Variants in SYNDIG1 observed in about 807,000 individuals in gnomAD.
The protein encoded by SYNDIG1 is synapse differentiation-inducing gene protein 1.
SYNDIG1 carries 9 observed loss-of-function variants against 19.4 expected under a neutral mutation model. The ratio of observed to expected loss-of-function variants is 0.46; its 90% confidence interval spans 0.28 to 0.81. The LOEUF is 0.81. Among genes scored for constraint, SYNDIG1 ranks in the 30% least tolerant of loss-of-function variants. SYNDIG1 has a pLI of 0.12. For missense variants in SYNDIG1, 311 were observed against 343.3 expected, an observed-to-expected ratio of 0.91 and a Z score of 0.74; for synonymous variants, 141 against 145.9, an observed-to-expected ratio of 0.97 and a Z score of 0.24.
intron 1 of SYNDIG1, among the ~76,000 whole-genome samples, chr20:24,482,296 C>T (rs889574482): frequency 6.6e-6 from 1 of 152,140 alleles, no homozygotes; most frequent in Non-Finnish European, 1.5e-5. Context: ...CTCTGTCTCC[C>T]CTGACCTTGT....
chr20:24,557,636 G>A (rs888379157), intron 2 of SYNDIG1, among the ~76,000 whole-genome samples: 10 of 152,170 alleles, frequency 6.6e-5, no homozygotes, highest in African/African-American at 2.2e-4. Context: ...CGTGAACCTC[G>A]AATGCTGCTG....
At chr20:24,599,399 G>T (rs973566105) in intron 3 of SYNDIG1, among the ~76,000 whole-genome samples, 1 of 152,142 alleles carries the variant, frequency 6.6e-6, no homozygotes, top group African/African-American at 2.4e-5. Context: ...ATGCAAACTA[G>T]TACAACCATT....
chr20:24,649,311 T>C (rs1276582931), intron 3 of SYNDIG1, among the ~76,000 whole-genome samples: 1 of 152,208 alleles, frequency 6.6e-6, no homozygotes, highest in African/African-American at 2.4e-5. Flanking sequence ...TTTTCTTTGG[T>C]GGTTCCATTG....
chr20:24,644,297 T>G (rs1350398811), intron 3 of SYNDIG1, among the ~76,000 whole-genome samples: 1 of 152,252 alleles, frequency 6.6e-6, no homozygotes, highest in African/African-American at 2.4e-5. Context: ...TAAAACATTA[T>G]GTTCACTGTG....
At chr20:24,642,566 A>G (rs1322522559) in intron 3 of SYNDIG1, among the ~76,000 whole-genome samples, 1 of 152,152 alleles carries the variant, frequency 6.6e-6, no homozygotes, top group African/African-American at 2.4e-5. Flanking sequence ...TGGTTCATCC[A>G]TTTATTTATG....
At chr20:24,600,659 T>A (rs58257276) in intron 3 of SYNDIG1, among the ~76,000 whole-genome samples, 1,762 of 147,938 alleles carry the variant, frequency 0.012, 38 homozygotes, top group African/African-American at 0.042. Flanking sequence ...TAGACCAGAG[T>A]GCAATGGTGC....
intron 3 of SYNDIG1, among the ~76,000 whole-genome samples, chr20:24,654,797 C>T (rs1174084959): frequency 6.6e-6 from 1 of 152,112 alleles, no homozygotes; most frequent in South Asian, 2.1e-4. Flanking sequence ...AGAGAAGGAG[C>T]AGCTGCAGCA....
rs1386316983 is a variant in SYNDIG1, at chr20:24,666,492, T to C, written c.*988T>C. 6.5e-6 allele frequency: 1 copy of C among 152,690 alleles called. No individual in the cohort carries two copies. Among genetic ancestry groups the C allele is most frequent in the Non-Finnish European group, 1.5e-5 (1 of 68,048 alleles). 9.5% of individuals were successfully genotyped at this position (152,690 alleles called of 1,614,324 possible). A position where few individuals can be genotyped will look rare whatever the true frequency, so the allele number is the denominator to read the frequency against. ...GCTTCATGCTGCTTAAGTTACCAGA[T>C]GAATGCTGAGAAATAAGTAATCACA... is the stretch of plus-strand genomic sequence containing the variant. On this transcript the variant is annotated 3_prime_UTR_variant, in exon 4 of 4. Transcript: ENST00000376862.
chr20:24,649,123 G>A (rs1301448310), intron 3 of SYNDIG1, among the ~76,000 whole-genome samples: 1 of 152,154 alleles, frequency 6.6e-6, no homozygotes, highest in African/African-American at 2.4e-5. Context: ...TGAACCAGGG[G>A]CCAAGGAAGC....
At chr20:24,524,578 GGAGCTTA>G (rs1270675665) in intron 1 of SYNDIG1, among the ~76,000 whole-genome samples, 1 of 151,872 alleles carries the variant, frequency 6.6e-6, no homozygotes, top group African/African-American at 2.4e-5. Flanking sequence ...CCCGGGAGGC[GGAGCTTA>G]CAGTGAGCTG....
intron 1 of SYNDIG1, among the ~76,000 whole-genome samples, chr20:24,500,518 CTT>C (rs11313105): frequency 8.8e-6 from 1 of 113,548 alleles, no homozygotes; most frequent in Non-Finnish European, 1.9e-5. Context: ...TTCTTTCTTT[CTT>C]TCTTTCTTTC....
At chr20:24,491,121 T>C (rs566413326) in intron 1 of SYNDIG1, among the ~76,000 whole-genome samples, 2 of 152,224 alleles carry the variant, frequency 1.3e-5, no homozygotes, top group African/African-American at 4.8e-5. Context: ...TAGTAAAACA[T>C]ACAGAAAATA....
intron 1 of SYNDIG1, among the ~76,000 whole-genome samples, chr20:24,475,348 T>C (rs2055588105): frequency 6.6e-6 from 1 of 152,154 alleles, no homozygotes; most frequent in East Asian, 1.9e-4. Flanking sequence ...TTATTTGCAG[T>C]TTCTAAAAGT....
At chr20:24,519,222 T>C (rs1359905194) in intron 1 of SYNDIG1, among the ~76,000 whole-genome samples, 1 of 152,194 alleles carries the variant, frequency 6.6e-6, no homozygotes, top group East Asian at 1.9e-4. Context: ...GTTAATTAAT[T>C]ACAAGATGGA....
At position 24,542,018 on chromosome 20, in the gene SYNDIG1, T is replaced by C. The variant is rs538555619; in HGVS notation, c.-78-1002T>C. On this transcript the variant is annotated intron_variant, in intron 1 of 3. Transcript: ENST00000376862. Reference sequence around the variant, plus strand: ...GCAAACGTGGAAGGAAATGAGCTAATGGGAATTATGAAGCAAAGGCAATAT... The same window carrying C: ...GCAAACGTGGAAGGAAATGAGCTAACGGGAATTATGAAGCAAAGGCAATAT... Among the ~76,000 whole-genome samples the C allele has an allele frequency of 2.6e-5, 4 of 152,218 alleles. No individual in the cohort carries two copies. The East Asian group carries it at 7.7e-4, about 29-fold the overall frequency.
chr20:24,505,747 T>C (rs934249302), intron 1 of SYNDIG1, among the ~76,000 whole-genome samples: 2 of 152,210 alleles, frequency 1.3e-5, no homozygotes, highest in Admixed American at 6.5e-5. Context: ...CTGGGACTTA[T>C]TTTAGAAGAT....
chr20:24,471,719 A>G (rs1568751007), intron 1 of SYNDIG1, among the ~76,000 whole-genome samples: 2 of 151,754 alleles, frequency 1.3e-5, no homozygotes, highest in African/African-American at 4.8e-5. Flanking sequence ...AGCTTTGTGT[A>G]CCCCCCACCC....
chr20:24,629,063 T>C (rs1410014986), intron 3 of SYNDIG1, among the ~76,000 whole-genome samples: 1 of 152,196 alleles, frequency 6.6e-6, no homozygotes, highest in Non-Finnish European at 1.5e-5. Flanking sequence ...ATGGCTTTGT[T>C]TCAGGCAGAA....
chr20:24,604,428 C>A (rs914772274), intron 3 of SYNDIG1, among the ~76,000 whole-genome samples: 11 of 152,144 alleles, frequency 7.2e-5, no homozygotes, highest in Admixed American at 2.0e-4. Context: ...CCACCAAAAC[C>A]AAGATAGCGA....
Sources: gnomAD v4.1 joint callset for allele counts (sites outside exome capture counted in the v4.1 genomes callset) on GRCh38, gnomAD v4.1.1 for gene constraint, MANE v1.5 for transcripts, NCBI Gene and HGNC (gene_info 2026-07-23, HGNC 2026-07-21) for gene names.